Variants in MED4 observed in about 807,000 individuals in gnomAD.
The protein encoded by MED4 is mediator complex subunit 4.
MED4 carries 21 observed loss-of-function variants against 35.0 expected under a neutral mutation model. The observed-to-expected ratio is 0.60, with a 90% confidence interval of 0.43 to 0.86. MED4 has a LOEUF of 0.86. Ranked by LOEUF, MED4 falls within the 40% of genes least tolerant of loss-of-function variation. The probability of loss-of-function intolerance (pLI) is 0.00; values close to 1 mark genes in which losing one functional copy is unlikely to be tolerated. For missense variants in MED4, 300 were observed against 319.4 expected, an observed-to-expected ratio of 0.94 and a Z score of 0.46; for synonymous variants, 138 against 114.0, an observed-to-expected ratio of 1.21 and a Z score of -1.34.
Position 48,086,141 on chromosome 13 carries a change from T to C in MED4, c.363+141A>G, listed in dbSNP as rs1049398330. The C allele has an allele frequency of 6.9e-6, 5 of 725,056 alleles. No homozygotes were observed. In the African/African-American group the frequency reaches 8.8e-5, roughly 13 times the overall value. 44.9% of individuals were successfully genotyped at this position (725,056 alleles called of 1,614,324 possible). A position where few individuals can be genotyped will look rare whatever the true frequency, so the allele number is the denominator to read the frequency against. On this transcript the variant is annotated intron_variant, in intron 3 of 6. Coordinates refer to ENST00000258648, the MANE Select transcript of MED4 (RefSeq NM_014166.4). Reference sequence around the variant, plus strand: ...TGACAATAGCCTTTCATTTAACCACTGGCAATGGTGAGTGACAAGATATCA... The same window carrying C: ...TGACAATAGCCTTTCATTTAACCACCGGCAATGGTGAGTGACAAGATATCA...
chr13:48,086,458 A>G lies in MED4; in HGVS notation c.193-6T>C. ...TGAATTAACAACTCCAGGACCTGTC[A>G]GATAACAGTCAATTAAATCAGACAA... On this transcript the variant is annotated splice_polypyrimidine_tract_variant and splice_region_variant and intron_variant, in intron 2 of 6. Transcript: ENST00000258648. 1.2e-6 allele frequency: 2 copies of G among 1,612,560 alleles called. No homozygotes were observed. Among genetic ancestry groups the G allele is most frequent in the Non-Finnish European group, 1.7e-6 (2 of 1,179,394 alleles).
intron 2 of MED4, among the ~76,000 whole-genome samples, chr13:48,089,932 T>A (rs191880583): frequency 4.6e-5 from 7 of 152,374 alleles, no homozygotes; most frequent in African/African-American, 1.7e-4. Flanking sequence ...AAGAGTTGTA[T>A]GCTCTTTTAT....
chr13:48,094,937 C>A lies in MED4; in HGVS notation c.125+17G>T, dbSNP rs200483464. On this transcript the variant is annotated intron_variant, in intron 1 of 6. Coordinates refer to ENST00000258648, the MANE Select transcript of MED4 (RefSeq NM_014166.4). Reference sequence around the variant, plus strand: ...CCCGGCCCAGCTCCAGCCCGGCTCTCAGGCTCGCCGCATTACCTAGACAGG... The same window carrying A: ...CCCGGCCCAGCTCCAGCCCGGCTCTAAGGCTCGCCGCATTACCTAGACAGG... The A allele has an allele frequency of 3.1e-6, 5 of 1,600,936 alleles. No individual in the cohort carries two copies. The highest frequency in any genetic ancestry group is 4.2e-6 in the Non-Finnish European group (5 of 1,178,882).
chr13:48,077,476 G>A (rs1011237516), intron 6 of MED4, 165 bp from the exon 7 acceptor site: 3 of 515,330 alleles, frequency 5.8e-6, no homozygotes, highest in Admixed American at 4.0e-5. Context: ...GAGTGCAGTG[G>A]CACGAATACA....
At position 48,080,092 on chromosome 13, in the gene MED4, A is replaced by G. The variant is rs1020708192; in HGVS notation, c.509-117T>C. 1.6e-4 allele frequency: 191 copies of G among 1,187,868 alleles called. No individual in the cohort carries two copies. The African/African-American group carries it at 2.9e-3, about 18-fold the overall frequency. 73.6% of individuals were successfully genotyped at this position (1,187,868 alleles called of 1,614,324 possible). On this transcript the variant is annotated intron_variant, in intron 5 of 6. Transcript: ENST00000258648. ...CTGAAAAGTTCAGGCTACATTTTCA[A>G]TTTTGAAATACAGAAGTCATCTGGC... is the stretch of plus-strand genomic sequence containing the variant.
At chr13:48,094,855 C>T in intron 1 of MED4, 99 bp downstream of exon 1, 1 of 1,527,896 alleles carries the variant, frequency 6.5e-7, no homozygotes. Context: ...CTGGCCCTCC[C>T]CGCCGAACCC....
chr13:48,084,915 G>A (rs1021852731), intron 3 of MED4, among the ~76,000 whole-genome samples: 4 of 151,808 alleles, frequency 2.6e-5, no homozygotes, highest in African/African-American at 9.7e-5. Flanking sequence ...CGCCCAGGCT[G>A]GAGTGCAGTG....
In MED4 at chr13:48,081,953, G is replaced by A. The variant is rs111968258; in HGVS notation, c.422-222C>T. On this transcript the variant is annotated intron_variant, in intron 4 of 6. Transcript: ENST00000258648. ...AAATTAGCTGACATAAACAAATTTC[G>A]GAGATTAGCACCATAGCACTCAATA... Among the ~76,000 whole-genome samples, 1,184 of 152,104 alleles carry A rather than the reference G, an allele frequency of 7.8e-3. 20 individuals carry two copies. The highest frequency in any genetic ancestry group is 0.026 in the African/African-American group (1,072 of 41,446).
chr13:48,085,712 G>A (rs1161203294), intron 3 of MED4, among the ~76,000 whole-genome samples: 1 of 152,160 alleles, frequency 6.6e-6, no homozygotes, highest in East Asian at 1.9e-4. Flanking sequence ...TTAGTATTTA[G>A]TGAAGTAACT....
intron 1 of MED4, among the ~76,000 whole-genome samples, chr13:48,092,647 G>C (rs1950898496): frequency 1.3e-5 from 2 of 152,360 alleles, no homozygotes; most frequent in South Asian, 4.1e-4. Flanking sequence ...AACATGGACA[G>C]ATTTCAGATA....
intron 4 of MED4, among the ~76,000 whole-genome samples, chr13:48,082,584 T>G (rs1426689483): frequency 6.6e-6 from 1 of 152,156 alleles, no homozygotes; most frequent in African/African-American, 2.4e-5. Context: ...TCCCAGCACT[T>G]TGGGAGGCCG....
At position 48,082,782 on chromosome 13, in the gene MED4, G is replaced by C. The variant is rs560153149; in HGVS notation, c.421+589C>G. On this transcript the variant is annotated intron_variant, in intron 4 of 6. Transcript: ENST00000258648. ...GCGGAGCTTGCAGTGCGCCGAGATC[G>C]CGCCACTGCACTCCAGCCTGGGCGA... 1.3e-3 allele frequency among the ~76,000 whole-genome samples: 196 copies of C among 151,774 alleles called. 1 individual carries two copies. Among genetic ancestry groups the C allele is most frequent in the Non-Finnish European group, 2.3e-3 (156 of 67,934 alleles).
rs995791481 is a variant in MED4 at position 48,076,304 on chromosome 13, G to A, written c.*835C>T. ...TAAAAGTGGTTAAAAATGACTCCTGGGGAACTGTAAGAAGAGGAAGGTGAA... is the reference window on the plus strand; with the variant it reads ...TAAAAGTGGTTAAAAATGACTCCTGAGGAACTGTAAGAAGAGGAAGGTGAA... On this transcript the variant is annotated 3_prime_UTR_variant, in exon 7 of 7. Coordinates refer to ENST00000258648, the MANE Select transcript of MED4 (RefSeq NM_014166.4). The A allele has an allele frequency of 9.2e-5, 14 of 152,154 alleles. No individual in the cohort carries two copies. In the South Asian group the frequency reaches 1.0e-3, roughly 11 times the overall value. 9.4% of individuals were successfully genotyped at this position (152,154 alleles called of 1,614,324 possible).
intron 5 of MED4, among the ~76,000 whole-genome samples, chr13:48,080,582 CAACTT>C (rs1212946352): frequency 3.3e-5 from 5 of 151,528 alleles, no homozygotes; most frequent in Admixed American, 3.3e-4. Context: ...TTCCAGATGA[CAACTT>C]AAGAAAATTA....
intron 3 of MED4, 99 bp downstream of exon 3, chr13:48,086,183 G>A (rs1950847260): frequency 1.8e-6 from 2 of 1,126,150 alleles, no homozygotes; most frequent in South Asian, 1.5e-5. Flanking sequence ...GACTTGGAAA[G>A]TCTAGTTTTC....
At chr13:48,081,512 A>G in intron 5 of MED4, 133 bp downstream of exon 5, 1 of 526,694 alleles carries the variant, frequency 1.9e-6, no homozygotes. Flanking sequence ...CTTATAAACC[A>G]TTAAAGATGT....
Position 48,086,431 on chromosome 13 carries a change from G to C in MED4, c.214C>G (p.Arg72Gly). 1 of 1,613,122 alleles carries C rather than the reference G, an allele frequency of 6.2e-7. No individual in the cohort carries two copies. Among genetic ancestry groups the C allele is most frequent in the African/African-American group, 1.3e-5 (1 of 74,852 alleles). The change falls in exon 3 of 7, where the codon CGA (arginine) becomes GGA (glycine). Residue 72 changes from arginine to glycine, a missense_variant. Arg to Gly is a moderately radical substitution (Grantham distance 125). Coordinates refer to ENST00000258648, the MANE Select transcript of MED4 (RefSeq NM_014166.4). ...ATTAGTTCTTGAAATTCCCCATCTC[G>C]GTGAATTAACAACTCCAGGACCTGT... ...ENQVLELLIH[R>G]DGEFQELMKL...
In MED4 at chr13:48,086,523, C is replaced by A; in HGVS notation, c.193-71G>T. 2.9e-6 allele frequency: 4 copies of A among 1,392,462 alleles called. No individual in the cohort carries two copies. The African/African-American group carries it at 4.4e-5, about 15-fold the overall frequency. The allele number at this position is 1,392,462 out of a possible 1,614,324, so 86.3% of individuals were successfully genotyped here. A position where few individuals can be genotyped will look rare whatever the true frequency, so the allele number is the denominator to read the frequency against. Reference sequence around the variant, plus strand: ...GCTGCATTCCAATGAAACAAAGAATCCGTAACTGAATTGGCTAGGCTATAA... The same window carrying A: ...GCTGCATTCCAATGAAACAAAGAATACGTAACTGAATTGGCTAGGCTATAA... On this transcript the variant is annotated intron_variant, in intron 2 of 6. Transcript: ENST00000258648.
intron 1 of MED4, among the ~76,000 whole-genome samples, chr13:48,092,484 T>C (rs1221542434): frequency 1.3e-5 from 2 of 152,238 alleles, no homozygotes; most frequent in Non-Finnish European, 2.9e-5. Context: ...ACCTGATTTA[T>C]ACTTTTAAAA....
Sources: allele counts gnomAD v4.1 joint callset (sites outside exome capture counted in the v4.1 genomes callset), GRCh38; gene constraint gnomAD v4.1.1; transcripts MANE v1.5; gene names NCBI Gene and HGNC (gene_info 2026-07-23, HGNC 2026-07-21).